Variants in ME1 observed in about 807,000 individuals in gnomAD.
ME1 encodes the protein NADP-dependent malic enzyme.
ME1 carries 74 observed loss-of-function variants against 66.4 expected under a neutral mutation model. The ratio of observed to expected loss-of-function variants is 1.11; its 90% CI spans 0.92 to 1.35. The LOEUF (loss-of-function observed/expected upper bound fraction) is 1.35, where lower values mean the gene tolerates loss of function less well. ME1 is among the 40% of genes most tolerant of loss of function. ME1 has a pLI of 0.00. For missense variants in ME1, 750 were observed against 694.1 expected, an observed-to-expected ratio of 1.08 and a Z score of -0.90; for synonymous variants, 251 against 235.6, an observed-to-expected ratio of 1.07 and a Z score of -0.60.
At chr6:83,342,806 C>G (rs1562485592) in intron 5 of ME1, among the ~76,000 whole-genome samples, 1 of 151,988 alleles carries the variant, frequency 6.6e-6, no homozygotes, top group Non-Finnish European at 1.5e-5. Context: ...CCTGCCTCAG[C>G]CTCCCAAGTA....
At chr6:83,376,691 T>G (rs1266872338) in intron 3 of ME1, among the ~76,000 whole-genome samples, 3 of 150,828 alleles carry the variant, frequency 2.0e-5, no homozygotes, top group African/African-American at 7.3e-5. Context: ...TAATCCCAGC[T>G]TCTTGGGAGA....
At chr6:83,345,552 C>G (rs1472504476) in intron 5 of ME1, among the ~76,000 whole-genome samples, 2 of 152,056 alleles carry the variant, frequency 1.3e-5, no homozygotes, top group Non-Finnish European at 2.9e-5. Context: ...CTGTTTGGGA[C>G]CTAGGTCTGA....
intron 1 of ME1, among the ~76,000 whole-genome samples, chr6:83,420,130 C>T (rs958370244): frequency 2.0e-5 from 3 of 151,846 alleles, no homozygotes; most frequent in Non-Finnish European, 2.9e-5. Context: ...TGCAGTGGTG[C>T]GATCTTGGTT....
intron 6 of ME1, among the ~76,000 whole-genome samples, chr6:83,301,665 A>T (rs1198514130): frequency 6.6e-6 from 1 of 152,166 alleles, no homozygotes; most frequent in East Asian, 1.9e-4. Flanking sequence ...TCAGAAGAAG[A>T]TATATATGCA....
intron 6 of ME1, among the ~76,000 whole-genome samples, chr6:83,290,027 C>G (rs1050103566): frequency 6.6e-6 from 1 of 151,938 alleles, no homozygotes; most frequent in Non-Finnish European, 1.5e-5. Flanking sequence ...CCTCTTTTAT[C>G]CTTTATTAGT....
At chr6:83,220,462 C>A (rs1456179623) in intron 12 of ME1, among the ~76,000 whole-genome samples, 1 of 152,124 alleles carries the variant, frequency 6.6e-6, no homozygotes, top group East Asian at 1.9e-4. Context: ...GCCAGGAAAG[C>A]CAAAAATCTC....
intron 5 of ME1, among the ~76,000 whole-genome samples, chr6:83,328,582 A>C (rs1768345730): frequency 6.6e-6 from 1 of 152,182 alleles, no homozygotes; most frequent in African/African-American, 2.4e-5. Flanking sequence ...TTTGGCTGAC[A>C]AAAAAATTAG....
intron 5 of ME1, among the ~76,000 whole-genome samples, chr6:83,325,948 C>CA (rs199839173): frequency 0.35 from 41,827 of 120,620 alleles, 6,631 homozygotes; most frequent in Middle Eastern, 0.5. Flanking sequence ...ACGAAGCAAA[C>CA]AAAAAAAAAA....
At chr6:83,243,781 TATA>T (rs1790558611) in intron 7 of ME1, among the ~76,000 whole-genome samples, 1 of 135,312 alleles carries the variant, frequency 7.4e-6, no homozygotes, top group African/African-American at 2.8e-5. Context: ...TATATTTATA[TATA>T]ATTATCTTAT....
chr6:83,427,683 C>A (rs999675466), intron 1 of ME1, among the ~76,000 whole-genome samples: 1 of 152,070 alleles, frequency 6.6e-6, no homozygotes, highest in Non-Finnish European at 1.5e-5. Context: ...TATTGTGACT[C>A]CTGCCCTATG....
chr6:83,276,035 G>A (rs1195132180), intron 6 of ME1, among the ~76,000 whole-genome samples: 1 of 152,004 alleles, frequency 6.6e-6, no homozygotes. Context: ...CTCCGGAACT[G>A]CTGGAATTAT....
chr6:83,220,105 A>G (rs1790063296), intron 12 of ME1, among the ~76,000 whole-genome samples: 1 of 152,162 alleles, frequency 6.6e-6, no homozygotes, highest in South Asian at 2.1e-4. Flanking sequence ...CTGGCATTCA[A>G]TTTCATTGTT....
intron 3 of ME1, among the ~76,000 whole-genome samples, chr6:83,360,220 G>A (rs1039890759): frequency 4.6e-5 from 7 of 152,134 alleles, no homozygotes; most frequent in Non-Finnish European, 8.8e-5. Context: ...GTACATTACC[G>A]ACAATTTATG....
At chr6:83,330,979 GC>G (rs1417971236) in intron 5 of ME1, among the ~76,000 whole-genome samples, 3 of 152,116 alleles carry the variant, frequency 2.0e-5, no homozygotes, top group East Asian at 3.9e-4. Flanking sequence ...GTCTGAAGTG[GC>G]AAGGGTACAC....
intron 2 of ME1, 34 bp downstream of exon 2, chr6:83,407,734 A>C (rs764086526): frequency 1.3e-6 from 2 of 1,534,918 alleles, no homozygotes; most frequent in East Asian, 4.6e-5. Context: ...ACTGCATAAG[A>C]GAAATATAAA....
intron 6 of ME1, among the ~76,000 whole-genome samples, chr6:83,281,818 AAAAAAAAAAAAAAAAAAG>A (rs1767295973): frequency 7.1e-6 from 1 of 141,660 alleles, no homozygotes; most frequent in Non-Finnish European, 1.6e-5. Context: ...AAAAAAAAAA[AAAAAAAAAAAAAAAAAAG>A]AAAAGAAAAC....
chr6:83,257,513 A>G (rs1365761062), intron 6 of ME1, among the ~76,000 whole-genome samples: 1 of 152,184 alleles, frequency 6.6e-6, no homozygotes, highest in African/African-American at 2.4e-5. Flanking sequence ...ATCACTAAAG[A>G]CAAAAAGAAG....
At chr6:83,312,055 A>T (rs1253619745) in intron 6 of ME1, among the ~76,000 whole-genome samples, 1 of 152,224 alleles carries the variant, frequency 6.6e-6, no homozygotes, top group Non-Finnish European at 1.5e-5. Context: ...ACTGAAGAAG[A>T]GGCCTAGTTC....
At chr6:83,315,519 T>C in intron 5 of ME1, 106 bp from the exon 6 acceptor site, 1 of 666,416 alleles carries the variant, frequency 1.5e-6, no homozygotes, top group East Asian at 2.7e-5. Context: ...AAATAAAATC[T>C]TACCATACTG....
Sources: allele counts gnomAD v4.1 joint callset (sites outside exome capture counted in the v4.1 genomes callset), GRCh38; gene constraint gnomAD v4.1.1; transcripts MANE v1.5; gene names NCBI Gene and HGNC (gene_info 2026-07-23, HGNC 2026-07-21).